The following DNAH5 variants were observed in gnomAD, a reference collection of about 807,000 sequenced individuals.
The protein encoded by DNAH5 is dynein axonemal heavy chain 5.
A neutral mutation model predicts 518.2 loss-of-function variants in DNAH5; 372 were observed. That is an observed-to-expected ratio of 0.72 (90% CI 0.66 to 0.78). The LOEUF (loss-of-function observed/expected upper bound fraction) is 0.78, where lower values mean the gene tolerates loss of function less well. DNAH5 is among the 30% of genes least tolerant of loss of function. DNAH5 has a pLI of 0.00. For synonymous variants in DNAH5, 2,039 were observed against 2,025.9 expected (o/e 1.01, Z -0.17); for missense variants, 5,523 against 5,687.0 (o/e 0.97, Z 0.93).
chr5:13,753,534 G>A lies in DNAH5; in HGVS notation c.10571C>T (p.Ala3524Val). The change falls in exon 63 of 79, where the codon GCT (alanine) becomes GTT (valine). Residue 3524 changes from alanine to valine, a missense_variant. Physicochemically the swap from Ala to Val is moderately conservative, Grantham distance 64 (BLOSUM62 0). Around this residue, in one of 3 missense-constraint regions of DNAH5, gnomAD observed 5,121 missense variants for 5,223.3 expected, o/e 0.98. Coordinates refer to ENST00000265104, the MANE Select transcript of DNAH5 (RefSeq NM_001369.3). ...TKRLVGDVLL[A>V]TAFLSYSGPF... ...ACCAGAATAAGATAGAAAAGCTGTA[G>A]CCAACAGTACATCCCCTAAAATAGA... is the stretch of plus-strand genomic sequence containing the variant. 1 of 1,613,580 alleles carries A rather than the reference G, an allele frequency of 6.2e-7. No homozygotes were observed. Among genetic ancestry groups the A allele is most frequent in the Non-Finnish European group, 8.5e-7 (1 of 1,179,774 alleles).
At chr5:13,887,883 C>T (rs1772651292) in intron 17 of DNAH5, among the ~76,000 whole-genome samples, 1 of 152,084 alleles carries the variant, frequency 6.6e-6, no homozygotes, top group African/African-American at 2.4e-5. Flanking sequence ...ATTCATGGTC[C>T]CCAAACTCAA....
chr5:13,743,854 G>A (rs1055441557), intron 65 of DNAH5, among the ~76,000 whole-genome samples: 1 of 152,048 alleles, frequency 6.6e-6, no homozygotes, highest in Non-Finnish European at 1.5e-5. Context: ...TAAACACTGT[G>A]TGTGGGAATG....
chr5:13,715,566 T>C (rs575057472), intron 74 of DNAH5, among the ~76,000 whole-genome samples: 1 of 152,350 alleles, frequency 6.6e-6, no homozygotes, highest in South Asian at 2.1e-4. Context: ...CAAAGCAACA[T>C]GTAAATATAC....
chr5:13,923,913 G>T (rs375790134), intron 3 of DNAH5, among the ~76,000 whole-genome samples: 4 of 152,128 alleles, frequency 2.6e-5, no homozygotes, highest in African/African-American at 9.7e-5. Context: ...GGGCGTGGTC[G>T]TGGGCACCTG....
At chr5:13,796,306 G>T (rs946270472) in intron 47 of DNAH5, among the ~76,000 whole-genome samples, 1 of 152,158 alleles carries the variant, frequency 6.6e-6, no homozygotes, top group African/African-American at 2.4e-5. Flanking sequence ...AAACACCATT[G>T]TCTCAGCCCA....
chr5:13,771,834 C>T (rs1187800616), intron 55 of DNAH5, among the ~76,000 whole-genome samples: 1 of 152,012 alleles, frequency 6.6e-6, no homozygotes, highest in Non-Finnish European at 1.5e-5. Context: ...GAAATATGGT[C>T]AATAAAATGG....
chr5:13,929,908 C>G (rs1298144853), intron 2 of DNAH5, among the ~76,000 whole-genome samples: 1 of 152,184 alleles, frequency 6.6e-6, no homozygotes, highest in East Asian at 1.9e-4. Flanking sequence ...ACAATCTCCC[C>G]AAGTGGCCCT....
chr5:13,709,415 G>A (rs911730476), intron 75 of DNAH5, among the ~76,000 whole-genome samples: 1 of 151,372 alleles, frequency 6.6e-6, no homozygotes, highest in East Asian at 1.9e-4. Flanking sequence ...AAAAAAATTT[G>A]TGAGTGCATA....
chr5:13,998,112 G>C (rs891275593), intron 1 of DNAH5, among the ~76,000 whole-genome samples: 3 of 152,144 alleles, frequency 2.0e-5, no homozygotes, highest in Non-Finnish European at 2.9e-5. Context: ...CCAAAGTGCT[G>C]GGATTACAGG....
At chr5:13,864,369 T>G (rs778459717) in intron 28 of DNAH5, 28 bp downstream of exon 28, 1 of 1,612,840 alleles carries the variant, frequency 6.2e-7, no homozygotes. Flanking sequence ...CATGAGACCT[T>G]GCAATCTTCC....
chr5:13,730,338 T>C (rs1423914914), intron 68 of DNAH5, among the ~76,000 whole-genome samples: 8 of 152,244 alleles, frequency 5.3e-5, no homozygotes, highest in African/African-American at 1.9e-4. Flanking sequence ...GAGTTAAGAA[T>C]AAAGGATAAA....
chr5:13,885,630 G>C lies in DNAH5; in HGVS notation c.2743+334C>G, dbSNP rs186594090. 3.3e-3 allele frequency among the ~76,000 whole-genome samples: 498 copies of C among 152,272 alleles called. 9 individuals carry two copies. Among genetic ancestry groups the C allele is most frequent in the Non-Finnish European group, 9.6e-4 (65 of 68,028 alleles). On this transcript the variant is annotated intron_variant, in intron 18 of 78. Transcript: ENST00000265104. ...CTCTGTCCTGCAAAAGGTGCGCTCA[G>C]TCTAGAGGCTCTCCAAGGGGAATTC...
In DNAH5 at chr5:13,939,801, T is replaced by C. The variant is rs530927332; in HGVS notation, c.57+4581A>G. ...GCTGCAGAGGAAGCACGGCACCTCC[T>C]TCCAGAATTAAGCGCACTTCAGTAA... On this transcript the variant is annotated intron_variant, in intron 1 of 78. Transcript: ENST00000265104. 6.0e-4 allele frequency among the ~76,000 whole-genome samples: 91 copies of C among 152,306 alleles called. 2 individuals are homozygous for C. The South Asian group carries it at 0.015, about 25-fold the overall frequency.
intron 70 of DNAH5, among the ~76,000 whole-genome samples, chr5:13,724,578 G>A (rs986984124): frequency 1.3e-5 from 2 of 152,128 alleles, no homozygotes; most frequent in Non-Finnish European, 2.9e-5. Context: ...GGCCATGGGA[G>A]GAATAATATA....
Position 13,769,049 on chromosome 5 carries a change from C to T in DNAH5, c.9808G>A (p.Val3270Met). ...GCTTTGTCTTTAGAGATGCTGTCCA[C>T]AATGGCCTGGGCCCTGTCCTTCACC... is the stretch of plus-strand genomic sequence containing the variant. ...QKVKDRAQAI[V>M]DSISKDKAIA... The change falls in exon 58 of 79, where the codon GTG becomes ATG. Residue 3270 changes from valine (V) to methionine (M), a missense_variant. Val to Met is a conservative substitution (Grantham distance 21, BLOSUM62 1). Coordinates refer to ENST00000265104, the MANE Select transcript of DNAH5 (RefSeq NM_001369.3). 1 of 1,614,204 alleles carries T rather than the reference C, an allele frequency of 6.2e-7. No individual in the cohort carries two copies. The highest frequency in any genetic ancestry group is 8.5e-7 in the Non-Finnish European group (1 of 1,180,028).
At position 13,769,567 on chromosome 5, in the gene DNAH5, T is replaced by C; in HGVS notation, c.9654A>G (p.Ala3218=). 6.2e-7 allele frequency: 1 copy of C among 1,614,118 alleles called. No individual in the cohort carries two copies. Residue 3218 remains alanine, a synonymous_variant, in exon 57 of 79, where the codon GCA becomes GCG. Coordinates refer to ENST00000265104, the MANE Select transcript of DNAH5 (RefSeq NM_001369.3). ...EKLKEASESV[A]ALSKELEAKE... ...TCGCTTCCAGTTCTTTACTCAAGGC[T>C]GCAACAGACTCTGAAGCTTCTTTGA...
rs1216619500 is a variant in DNAH5, at chr5:13,798,117, T to A, written c.7888-4059A>T. ...ATACCTAATGTAAATGATGAGTTGA[T>A]GGGTGCAGCAAACCAACATGGCACA... On this transcript the variant is annotated intron_variant, in intron 47 of 78. Transcript: ENST00000265104. Among the ~76,000 whole-genome samples, 3 of 152,042 alleles carry A rather than the reference T, an allele frequency of 2.0e-5. No homozygotes were observed. The East Asian group carries it at 5.8e-4, about 29-fold the overall frequency.
At chr5:13,731,477 C>A in intron 68 of DNAH5, among the ~76,000 whole-genome samples, 1 of 152,108 alleles carries the variant, frequency 6.6e-6, no homozygotes, top group Non-Finnish European at 1.5e-5. Context: ...CTGCCGGCTC[C>A]CAAAGTACAC....
Position 13,811,664 on chromosome 5 carries a change from C to T in DNAH5, c.7390G>A (p.Gly2464Ser), listed in dbSNP as rs112103817. The T allele has an allele frequency of 5.0e-6, 8 of 1,614,120 alleles. No individual in the cohort carries two copies. The highest frequency in any genetic ancestry group is 1.3e-5 in the African/African-American group (1 of 75,038). Reference protein sequence around the residue: ...VITQSINMLQGLIPLKEQGGE... With the variant: ...VITQSINMLQSLIPLKEQGGE... ...CAATTTACCTTCAGAGGAATCAGGCCTTGAAGCATGTTAATGCTCTGTGTG... is the reference window on the plus strand; with the variant it reads ...CAATTTACCTTCAGAGGAATCAGGCTTTGAAGCATGTTAATGCTCTGTGTG... The change falls in exon 44 of 79, where the codon GGC (glycine) becomes AGC (serine). Residue 2464 changes from glycine to serine, a missense_variant. Around this residue, in one of 3 missense-constraint regions of DNAH5, gnomAD observed 5,121 missense variants for 5,223.3 expected, o/e 0.98. Transcript: ENST00000265104.
Sources: allele counts gnomAD v4.1 joint callset (sites outside exome capture counted in the v4.1 genomes callset), GRCh38; gene constraint gnomAD v4.1.1; regional missense constraint gnomAD v4.1.1; transcripts MANE v1.5; gene names NCBI Gene and HGNC (gene_info 2026-07-23, HGNC 2026-07-21).